The following GRID1 variants were observed in gnomAD, a reference collection of about 807,000 sequenced individuals.
GRID1 encodes the protein glutamate receptor ionotropic, delta-1.
A neutral mutation model predicts 98.0 loss-of-function variants in GRID1; 28 were observed. That is an observed-to-expected ratio of 0.29 (90% CI 0.21 to 0.39). The LOEUF is 0.39. Among genes scored for constraint, GRID1 ranks in the 10% least tolerant of loss-of-function variants. The pLI, the probability that GRID1 is intolerant of heterozygous loss-of-function variation, is 1.00. For missense variants in GRID1, 1,111 were observed against 1,340.5 expected (o/e 0.83, Z 2.67); for synonymous variants, 553 against 538.5 (o/e 1.03, Z -0.37).
chr10:85,945,086 T>C (rs1048461530), intron 4 of GRID1, among the ~76,000 whole-genome samples: 116 of 152,312 alleles, frequency 7.6e-4, no homozygotes, highest in African/African-American at 2.7e-3. Flanking sequence ...CCAAGCATCC[T>C]AACCATGAAC....
chr10:86,315,524 T>G lies in GRID1; in HGVS notation c.235+48417A>C, dbSNP rs187133541. Reference sequence around the variant, plus strand: ...TCTGAGTCACACAAGGAACTGGATTTTGGCATATCTGGCCACAGTTTAATT... The same window carrying G: ...TCTGAGTCACACAAGGAACTGGATTGTGGCATATCTGGCCACAGTTTAATT... On this transcript the variant is annotated intron_variant, in intron 2 of 15. Coordinates refer to ENST00000327946, the MANE Select transcript of GRID1 (RefSeq NM_017551.3). 3.3e-5 allele frequency among the ~76,000 whole-genome samples: 5 copies of G among 152,298 alleles called. No homozygotes were observed. In the East Asian group the frequency reaches 9.6e-4, roughly 29 times the overall value.
chr10:85,940,376 G>C (rs528257468), intron 4 of GRID1, among the ~76,000 whole-genome samples: 2 of 152,268 alleles, frequency 1.3e-5, no homozygotes, highest in African/African-American at 4.8e-5. Flanking sequence ...CTTCAGCTCT[G>C]CTCTTAGGAA....
intron 2 of GRID1, among the ~76,000 whole-genome samples, chr10:86,222,858 G>A (rs540793930): frequency 2.2e-4 from 33 of 152,292 alleles, no homozygotes; most frequent in African/African-American, 6.7e-4. Flanking sequence ...AAGGGCACTA[G>A]GGCCACAGTC....
chr10:85,705,892 C>T (rs376434019), intron 12 of GRID1, among the ~76,000 whole-genome samples: 2 of 152,218 alleles, frequency 1.3e-5, no homozygotes, highest in Middle Eastern at 3.4e-3. Flanking sequence ...GCAGAAAAGG[C>T]CTTCAATAAA....
intron 4 of GRID1, among the ~76,000 whole-genome samples, chr10:85,990,035 C>G (rs1042472167): frequency 2.0e-5 from 3 of 152,210 alleles, no homozygotes; most frequent in Non-Finnish European, 4.4e-5. Context: ...CTGAATCTGT[C>G]TGCACTTGGA....
chr10:86,355,289 C>A (rs973594150), intron 2 of GRID1, among the ~76,000 whole-genome samples: 2 of 152,248 alleles, frequency 1.3e-5, no homozygotes, highest in East Asian at 3.8e-4. Flanking sequence ...CCTGGACACC[C>A]CACGGATGCT....
At chr10:85,624,342 C>T (rs905997991) in intron 13 of GRID1, among the ~76,000 whole-genome samples, 9 of 152,208 alleles carry the variant, frequency 5.9e-5, no homozygotes, top group Non-Finnish European at 2.9e-5. Flanking sequence ...CAATCGCTGA[C>T]TTACCATGGA....
intron 8 of GRID1, among the ~76,000 whole-genome samples, chr10:85,790,879 T>G (rs938558998): frequency 1.1e-4 from 17 of 152,312 alleles, no homozygotes; most frequent in African/African-American, 4.1e-4. Context: ...TCCTCTGCTC[T>G]TTAGAGACCA....
intron 8 of GRID1, among the ~76,000 whole-genome samples, chr10:85,749,396 T>C (rs1842025708): frequency 6.6e-6 from 1 of 152,142 alleles, no homozygotes; most frequent in South Asian, 2.1e-4. Context: ...AGACATTCCC[T>C]AGAGAAACAC....
In GRID1 at chr10:86,142,062, T is replaced by C. The variant is rs569662269; in HGVS notation, c.521-3038A>G. Among the ~76,000 whole-genome samples, 4 of 152,330 alleles carry C rather than the reference T, an allele frequency of 2.6e-5. No individual in the cohort carries two copies. In the East Asian group the frequency reaches 7.7e-4, roughly 29 times the overall value. On this transcript the variant is annotated intron_variant, in intron 3 of 15. Transcript: ENST00000327946. ...TGTTTGTGCATTTCCATTTCCACTCTTGAACCATGCCACCACCATGAGAAC... is the reference window on the plus strand; with the variant it reads ...TGTTTGTGCATTTCCATTTCCACTCCTGAACCATGCCACCACCATGAGAAC...
intron 2 of GRID1, among the ~76,000 whole-genome samples, chr10:86,210,465 T>C (rs2607840): frequency 0.8 from 121,099 of 152,212 alleles, 48,212 homozygotes; most frequent in East Asian, 0.89. Context: ...TGATAGCAAG[T>C]GCCAATGCCT....
chr10:85,773,463 G>T (rs1313297050), intron 8 of GRID1, among the ~76,000 whole-genome samples: 1 of 152,286 alleles, frequency 6.6e-6, no homozygotes, highest in Admixed American at 6.5e-5. Context: ...AGTGTTGGAA[G>T]TTCTGGCCAG....
intron 4 of GRID1, among the ~76,000 whole-genome samples, chr10:86,058,674 T>C (rs889153215): frequency 7.2e-5 from 11 of 152,110 alleles, no homozygotes; most frequent in Non-Finnish European, 1.5e-4. Context: ...AAGAAGCAGG[T>C]CAGGATGTTA....
intron 12 of GRID1, among the ~76,000 whole-genome samples, chr10:85,691,475 C>G (rs1206923956): frequency 6.6e-6 from 1 of 152,180 alleles, no homozygotes; most frequent in Non-Finnish European, 1.5e-5. Flanking sequence ...TGGCATCTGC[C>G]TGCTGTCCCT....
At chr10:86,362,492 G>A (rs1848613044) in intron 2 of GRID1, among the ~76,000 whole-genome samples, 1 of 152,184 alleles carries the variant, frequency 6.6e-6, no homozygotes, top group Non-Finnish European at 1.5e-5. Context: ...GGAAGCAGCA[G>A]CTCCCATAAT....
intron 12 of GRID1, among the ~76,000 whole-genome samples, chr10:85,680,281 A>G (rs1841193239): frequency 6.6e-6 from 1 of 151,890 alleles, no homozygotes; most frequent in Non-Finnish European, 1.5e-5. Context: ...CCTCTGCTGT[A>G]TTTCCTTCCT....
At chr10:85,661,523 T>C (rs1272615591) in intron 12 of GRID1, among the ~76,000 whole-genome samples, 4 of 152,138 alleles carry the variant, frequency 2.6e-5, no homozygotes, top group Non-Finnish European at 5.9e-5. Flanking sequence ...AGACCTCTAA[T>C]GATTAAAATG....
intron 3 of GRID1, among the ~76,000 whole-genome samples, chr10:86,144,430 C>A (rs1040974940): frequency 1.3e-5 from 2 of 152,142 alleles, no homozygotes; most frequent in African/African-American, 4.8e-5. Flanking sequence ...AGCTGAGGGT[C>A]AGTGGGCACC....
intron 4 of GRID1, among the ~76,000 whole-genome samples, chr10:85,924,585 T>C (rs1248209322): frequency 6.6e-6 from 1 of 152,220 alleles, no homozygotes; most frequent in Non-Finnish European, 1.5e-5. Context: ...CTGGACTAGT[T>C]TGGTCAATGA....
Sources: gnomAD v4.1 joint callset for allele counts (sites outside exome capture counted in the v4.1 genomes callset) on GRCh38, gnomAD v4.1.1 for gene constraint, MANE v1.5 for transcripts, NCBI Gene and HGNC (gene_info 2026-07-23, HGNC 2026-07-21) for gene names.